PCNX2: variants seen among roughly 807,000 people sequenced by gnomAD.
The protein encoded by PCNX2 is pecanex 2.
In PCNX2, 168 loss-of-function variants were observed where a neutral mutation model predicts 223.8. The observed-to-expected ratio is 0.75, with a 90% confidence interval of 0.66 to 0.85. PCNX2 has a LOEUF of 0.85. Among genes scored for constraint, PCNX2 ranks in the 40% least tolerant of loss-of-function variants. The pLI, the probability that PCNX2 is intolerant of heterozygous loss-of-function variation, is 0.00. For missense variants in PCNX2, 2,507 were observed against 2,675.5 expected (o/e 0.94, Z 1.39); for synonymous variants, 1,006 against 1,052.6 (o/e 0.96, Z 0.86).
chr1:233,261,166 A>G, intron 4 of PCNX2, 119 bp downstream of exon 4: 1 of 877,396 alleles, frequency 1.1e-6, no homozygotes, highest in Non-Finnish European at 1.8e-6. Flanking sequence ...AAATATAACT[A>G]TGCAGTCTTA....
chr1:233,289,777 C>G (rs1260162964), intron 1 of PCNX2, among the ~76,000 whole-genome samples: 3 of 152,022 alleles, frequency 2.0e-5, no homozygotes, highest in East Asian at 3.9e-4. Context: ...CTAGGACTGA[C>G]TAGAACAGAG....
At chr1:233,288,682 G>A (rs74691494) in intron 1 of PCNX2, among the ~76,000 whole-genome samples, 13,862 of 152,088 alleles carry the variant, frequency 0.091, 825 homozygotes, top group South Asian at 0.17. Context: ...TGCACATGCC[G>A]TCCACAGAGC....
chr1:233,316,330 C>T, the PCNX2 span, among the ~76,000 whole-genome samples: 1 of 152,202 alleles, frequency 6.6e-6, no homozygotes, highest in Non-Finnish European at 1.5e-5. Context: ...TAAATGTTAA[C>T]TTATTACTGT....
intron 21 of PCNX2, among the ~76,000 whole-genome samples, chr1:233,111,746 T>G (rs1675128004): frequency 6.6e-6 from 1 of 152,172 alleles, no homozygotes; most frequent in African/African-American, 2.4e-5. Context: ...CATCCCCCAT[T>G]AGAATGCACT....
intron 23 of PCNX2, among the ~76,000 whole-genome samples, chr1:233,079,306 C>T (rs529335671): frequency 5.9e-5 from 9 of 152,086 alleles, no homozygotes; most frequent in African/African-American, 1.4e-4. Context: ...GAGCAGATCA[C>T]GAGGTCAGGA....
intron 19 of PCNX2, among the ~76,000 whole-genome samples, chr1:233,146,033 A>G (rs1287224690): frequency 6.6e-6 from 1 of 152,174 alleles, no homozygotes; most frequent in Non-Finnish European, 1.5e-5. Flanking sequence ...ATACGCCACA[A>G]TCCAAAAGAA....
intron 25 of PCNX2, among the ~76,000 whole-genome samples, chr1:233,044,667 T>C (rs998944551): frequency 6.6e-6 from 1 of 151,066 alleles, no homozygotes; most frequent in Non-Finnish European, 1.5e-5. Context: ...CTCATTTGTA[T>C]TCTTTCTTTT....
chr1:232,988,678 G>A (rs1490173462), intron 32 of PCNX2, among the ~76,000 whole-genome samples: 1 of 152,180 alleles, frequency 6.6e-6, no homozygotes, highest in Non-Finnish European at 1.5e-5. Flanking sequence ...CAATCGTGGT[G>A]TAGCTCCTTA....
chr1:233,312,125 C>G, the PCNX2 span, among the ~76,000 whole-genome samples: 1 of 151,696 alleles, frequency 6.6e-6, no homozygotes, highest in Non-Finnish European at 1.5e-5. Flanking sequence ...AAAACTCTGT[C>G]TCAAAATAAC....
chr1:233,203,704 T>A (rs1681270071), intron 13 of PCNX2, among the ~76,000 whole-genome samples: 1 of 152,138 alleles, frequency 6.6e-6, no homozygotes, highest in South Asian at 2.1e-4. Flanking sequence ...AGGCATTTGA[T>A]CTCTTCTGCA....
In PCNX2 at chr1:233,116,500, A is replaced by T. The variant is rs368099274; in HGVS notation, c.3837+18513T>A. On this transcript the variant is annotated intron_variant, in intron 21 of 33. Transcript: ENST00000258229. Reference sequence around the variant, plus strand: ...CAACCTAGAAATGAATAATAGAAAGATAACACAAAAATATCCAAACCCTTG... The same window carrying T: ...CAACCTAGAAATGAATAATAGAAAGTTAACACAAAAATATCCAAACCCTTG... Among the ~76,000 whole-genome samples the T allele has an allele frequency of 1.4e-4, 21 of 152,298 alleles. No individual in the cohort carries two copies. In the South Asian group the frequency reaches 2.1e-3, roughly 15 times the overall value.
At chr1:233,013,964 GC>G (rs946095973) in intron 28 of PCNX2, among the ~76,000 whole-genome samples, 37 of 145,234 alleles carry the variant, frequency 2.5e-4, no homozygotes, top group Admixed American at 2.1e-3. Context: ...AGCCCATAGT[GC>G]TAAAAAAGGG....
chr1:233,125,001 A>G (rs1453360587), intron 21 of PCNX2, among the ~76,000 whole-genome samples: 1 of 152,206 alleles, frequency 6.6e-6, no homozygotes, highest in Non-Finnish European at 1.5e-5. Flanking sequence ...TCATTTACAA[A>G]TAGGTATTGA....
At chr1:233,025,760 T>A in intron 25 of PCNX2, 1 of 239,232 alleles carries the variant, frequency 4.2e-6, no homozygotes, top group African/African-American at 2.2e-5. Flanking sequence ...TTAGTCCATT[T>A]ATTTAACTGG....
At chr1:233,056,421 T>C (rs752727642) in intron 24 of PCNX2, among the ~76,000 whole-genome samples, 1 of 152,216 alleles carries the variant, frequency 6.6e-6, no homozygotes, top group Non-Finnish European at 1.5e-5. Context: ...AACAGCACAA[T>C]GTGCTTGGGA....
chr1:233,188,611 C>T (rs1481224283), intron 15 of PCNX2, among the ~76,000 whole-genome samples: 1 of 151,402 alleles, frequency 6.6e-6, no homozygotes, highest in African/African-American at 2.4e-5. Context: ...CAACCTCTGC[C>T]TCCTGGGTTC....
At chr1:233,091,945 G>C (rs1248434983) in intron 22 of PCNX2, among the ~76,000 whole-genome samples, 1 of 151,928 alleles carries the variant, frequency 6.6e-6, no homozygotes, top group Non-Finnish European at 1.5e-5. Context: ...TTCAAATAGA[G>C]AACTACAGAA....
At position 233,208,539 on chromosome 1, in the gene PCNX2, AT is replaced by A; in HGVS notation, c.2841del (p.Gln947HisfsTer7). ...GLKLFSPVFL[Q>X]SARDYLIVFL... The stretch of plus-strand genomic sequence containing the variant: ...TCACCTATTAAGTAGTCCCTAGCTG[AT>A]TGTAGAAACACTGGAGAGAAGAGCT... On this transcript the variant is annotated frameshift_variant, in exon 13 of 34. Coordinates refer to ENST00000258229, the MANE Select transcript of PCNX2 (RefSeq NM_014801.4). LOFTEE classifies it high-confidence loss of function. The A allele has an allele frequency of 6.2e-7, 1 of 1,613,906 alleles. No individual in the cohort carries two copies. Among genetic ancestry groups the A allele is most frequent in the South Asian group, 1.1e-5 (1 of 91,078 alleles).
intron 17 of PCNX2, among the ~76,000 whole-genome samples, chr1:233,162,404 T>C (rs758359378): frequency 2.0e-5 from 3 of 152,230 alleles, no homozygotes; most frequent in African/African-American, 7.2e-5. Flanking sequence ...TTTAAATCAC[T>C]GTTTTTTAAA....
Sources: gnomAD v4.1 joint callset for allele counts (sites outside exome capture counted in the v4.1 genomes callset) on GRCh38, gnomAD v4.1.1 for gene constraint, MANE v1.5 for transcripts, NCBI Gene and HGNC (gene_info 2026-07-23, HGNC 2026-07-21) for gene names.